FSTL5: variants seen among roughly 807,000 people sequenced by gnomAD.
The protein encoded by FSTL5 is follistatin-related protein 5.
In FSTL5, 62 loss-of-function variants were observed where a neutral mutation model predicts 89.1. The ratio of observed to expected loss-of-function variants is 0.70; its 90% CI spans 0.57 to 0.86. FSTL5 has a LOEUF of 0.86. Ranked by LOEUF, FSTL5 falls within the 40% of genes least tolerant of loss-of-function variation. FSTL5 has a pLI of 0.00. For missense variants in FSTL5, 1,057 were observed against 1,001.6 expected (o/e 1.06, Z -0.75); for synonymous variants, 383 against 346.2 (o/e 1.11, Z -1.18).
chr4:162,006,825 AT>A (rs1315805822), intron 3 of FSTL5, among the ~76,000 whole-genome samples: 6 of 152,122 alleles, frequency 3.9e-5, no homozygotes, highest in African/African-American at 1.4e-4. Context: ...TGTGGTAGAT[AT>A]TTTCAAATAA....
intron 15 of FSTL5, among the ~76,000 whole-genome samples, chr4:161,403,127 C>G (rs1318138350): frequency 1.3e-5 from 2 of 152,132 alleles, no homozygotes; most frequent in Non-Finnish European, 2.9e-5. Context: ...TGGCGCCCGG[C>G]CCCCAGAACT....
intron 1 of FSTL5, among the ~76,000 whole-genome samples, chr4:162,134,666 G>A (rs775176924): frequency 3.2e-4 from 49 of 152,156 alleles, no homozygotes; most frequent in Admixed American, 7.9e-4. Flanking sequence ...CTTGCTAGAG[G>A]GAAGAGAGAA....
rs372343437 is a variant in FSTL5 at position 161,909,135 on chromosome 4, T to G, written c.409+11269A>C. 5.9e-5 allele frequency among the ~76,000 whole-genome samples: 9 copies of G among 152,068 alleles called. No individual in the cohort carries two copies. In the East Asian group the frequency reaches 1.2e-3, roughly 20 times the overall value. ...AGTGAATGCCAGCATTAAGAAGTTA[T>G]CTCAAAAATATGTCATAAAATTTCC... On this transcript the variant is annotated intron_variant, in intron 4 of 15. Coordinates refer to ENST00000306100, the MANE Select transcript of FSTL5 (RefSeq NM_020116.5).
chr4:161,836,152 T>A (rs1364890820), intron 4 of FSTL5, among the ~76,000 whole-genome samples: 1 of 151,638 alleles, frequency 6.6e-6, no homozygotes, highest in Non-Finnish European at 1.5e-5. Context: ...ATGTCCTTTG[T>A]AGGGACATGG....
intron 3 of FSTL5, among the ~76,000 whole-genome samples, chr4:162,026,061 G>C (rs774829606): frequency 1.3e-5 from 2 of 149,956 alleles, no homozygotes; most frequent in African/African-American, 4.9e-5. Flanking sequence ...AAAAAAAAAC[G>C]GAAATGTGAT....
chr4:161,487,591 G>A (rs1729723196), intron 12 of FSTL5, among the ~76,000 whole-genome samples: 1 of 152,026 alleles, frequency 6.6e-6, no homozygotes, highest in Non-Finnish European at 1.5e-5. Context: ...GGTTTTACAA[G>A]AGAAAAACAG....
At chr4:161,913,343 A>C (rs1383267511) in intron 4 of FSTL5, among the ~76,000 whole-genome samples, 2 of 152,078 alleles carry the variant, frequency 1.3e-5, no homozygotes, top group Non-Finnish European at 2.9e-5. Flanking sequence ...GTCCAGGGTC[A>C]CTGTGTTGTG....
intron 1 of FSTL5, among the ~76,000 whole-genome samples, chr4:162,153,931 G>A (rs542169735): frequency 1.3e-4 from 20 of 151,044 alleles, no homozygotes; most frequent in Admixed American, 6.0e-4. Flanking sequence ...TGATCCTCCC[G>A]AGTAGCTGGG....
chr4:161,974,314 A>G (rs558406819), intron 3 of FSTL5, among the ~76,000 whole-genome samples: 9 of 152,158 alleles, frequency 5.9e-5, no homozygotes, highest in South Asian at 2.1e-4. Flanking sequence ...AGCCAAAAGA[A>G]CAAAGCTGGA....
chr4:161,974,183 C>T (rs1376050420), intron 3 of FSTL5, among the ~76,000 whole-genome samples: 1 of 152,022 alleles, frequency 6.6e-6, no homozygotes, highest in African/African-American at 2.4e-5. Context: ...GCCATACTGC[C>T]CAAGGTAATT....
At chr4:161,460,362 G>A (rs139181510) in intron 13 of FSTL5, among the ~76,000 whole-genome samples, 4,484 of 93,104 alleles carry the variant, frequency 0.048, 776 homozygotes, top group East Asian at 0.3. Context: ...TACATTAGGT[G>A]TATCTCCTAA....
Position 161,795,591 on chromosome 4 carries a change from C to T in FSTL5, c.410-19517G>A, listed in dbSNP as rs574784672. On this transcript the variant is annotated intron_variant, in intron 4 of 15. Coordinates refer to ENST00000306100, the MANE Select transcript of FSTL5 (RefSeq NM_020116.5). ...GAAATTGGTACTATAGCGAAGCAAA[C>T]AAACAATCCATCATCCCACACAGAT... is the stretch of plus-strand genomic sequence containing the variant. Among the ~76,000 whole-genome samples, 9 of 152,150 alleles carry T rather than the reference C, an allele frequency of 5.9e-5. No individual in the cohort carries two copies. The South Asian group carries it at 1.7e-3, about 28-fold the overall frequency.
intron 6 of FSTL5, among the ~76,000 whole-genome samples, chr4:161,710,341 A>T (rs1370184951): frequency 1.3e-5 from 2 of 152,194 alleles, no homozygotes; most frequent in Admixed American, 6.5e-5. Context: ...AGTTAGGTTA[A>T]GAACATCAGC....
intron 2 of FSTL5, among the ~76,000 whole-genome samples, chr4:162,092,722 A>C (rs771751058): frequency 3.9e-5 from 6 of 152,098 alleles, no homozygotes; most frequent in Non-Finnish European, 5.9e-5. Context: ...AGGCTGAGGC[A>C]GGTGGATTAC....
chr4:162,098,383 C>T (rs879864384), intron 2 of FSTL5, among the ~76,000 whole-genome samples: 6 of 151,916 alleles, frequency 3.9e-5, no homozygotes, highest in Non-Finnish European at 7.4e-5. Flanking sequence ...CATTCTATAT[C>T]TTCATGCATC....
intron 8 of FSTL5, among the ~76,000 whole-genome samples, chr4:161,571,737 T>C (rs1240167060): frequency 6.6e-6 from 1 of 152,170 alleles, no homozygotes; most frequent in Non-Finnish European, 1.5e-5. Flanking sequence ...AAAGAATATA[T>C]GGCAACTGAA....
At chr4:161,539,367 C>A (rs143284693) in intron 9 of FSTL5, among the ~76,000 whole-genome samples, 1 of 152,130 alleles carries the variant, frequency 6.6e-6, no homozygotes, top group East Asian at 1.9e-4. Context: ...TGATTGCCAT[C>A]GCTAGGAGCC....
At chr4:161,518,844 C>G (rs1730928590) in intron 10 of FSTL5, among the ~76,000 whole-genome samples, 3 of 152,114 alleles carry the variant, frequency 2.0e-5, no homozygotes, top group African/African-American at 7.2e-5. Context: ...TGTAGCTTGG[C>G]TGGGAGGGTT....
At chr4:161,924,970 G>A (rs1262602629) in intron 3 of FSTL5, among the ~76,000 whole-genome samples, 1 of 151,818 alleles carries the variant, frequency 6.6e-6, no homozygotes, top group Non-Finnish European at 1.5e-5. Flanking sequence ...ACAGATTTTG[G>A]TCATAGAACA....
Sources: gnomAD v4.1 joint callset for allele counts (sites outside exome capture counted in the v4.1 genomes callset) on GRCh38, gnomAD v4.1.1 for gene constraint, MANE v1.5 for transcripts, NCBI Gene and HGNC (gene_info 2026-07-23, HGNC 2026-07-21) for gene names.